The following RASAL2 variants were observed in gnomAD, a reference collection of about 807,000 sequenced individuals.
RASAL2 encodes the protein RAS protein activator like 2, also known as ras GTPase-activating protein nGAP.
In RASAL2, 58 loss-of-function variants were observed where a neutral mutation model predicts 128.9. The observed-to-expected ratio is 0.45, with a 90% CI of 0.36 to 0.56. The LOEUF (loss-of-function observed/expected upper bound fraction) is 0.56. Ranked by LOEUF, RASAL2 falls within the 20% of genes least tolerant of loss-of-function variation. The pLI, the probability that RASAL2 is intolerant of heterozygous loss-of-function variation, is 0.00. For missense variants in RASAL2, 1,360 were observed against 1,601.6 expected (o/e 0.85, Z 2.57); for synonymous variants, 561 against 580.8 (o/e 0.97, Z 0.49).
intron 9 of RASAL2, among the ~76,000 whole-genome samples, chr1:178,450,205 C>T (rs1432793641): frequency 6.6e-6 from 1 of 152,082 alleles, no homozygotes; most frequent in East Asian, 1.9e-4. Context: ...TTGTATGGTG[C>T]ACCTACTAAG....
intron 1 of RASAL2, among the ~76,000 whole-genome samples, chr1:178,253,311 CCTTAA>C (rs1240285713): frequency 6.6e-6 from 1 of 152,096 alleles, no homozygotes; most frequent in African/African-American, 2.4e-5. Flanking sequence ...TATGACTTTA[CCTTAA>C]CTTAATTACG....
At chr1:178,167,805 T>G (rs1018909166) in intron 1 of RASAL2, among the ~76,000 whole-genome samples, 1 of 152,038 alleles carries the variant, frequency 6.6e-6, no homozygotes, top group African/African-American at 2.4e-5. Context: ...CTCCAAAAAT[T>G]TTCAAATACA....
intron 3 of RASAL2, among the ~76,000 whole-genome samples, chr1:178,328,829 T>C (rs1168353564): frequency 3.3e-5 from 5 of 152,194 alleles, no homozygotes; most frequent in African/African-American, 1.2e-4. Context: ...TACTGCTTTA[T>C]ACAAATCACA....
chr1:178,406,725 T>A (rs1296686107), intron 4 of RASAL2, among the ~76,000 whole-genome samples: 1 of 152,130 alleles, frequency 6.6e-6, no homozygotes, highest in Non-Finnish European at 1.5e-5. Flanking sequence ...TAATAAAGTA[T>A]GCTAGATATC....
intron 9 of RASAL2, among the ~76,000 whole-genome samples, chr1:178,448,515 T>C (rs904461905): frequency 1.3e-5 from 2 of 152,142 alleles, no homozygotes; most frequent in African/African-American, 2.4e-5. Context: ...TTTTCTCTAA[T>C]CATATAGACA....
chr1:178,329,718 A>G (rs1325536958), intron 3 of RASAL2, among the ~76,000 whole-genome samples: 2 of 151,086 alleles, frequency 1.3e-5, no homozygotes, highest in Non-Finnish European at 2.9e-5. Flanking sequence ...AAGAAGGGGT[A>G]AATTAAGGAC....
At chr1:178,433,551 T>C (rs1676063960) in intron 5 of RASAL2, among the ~76,000 whole-genome samples, 1 of 151,398 alleles carries the variant, frequency 6.6e-6, no homozygotes. Context: ...TTCATACATA[T>C]ATTCATTTAT....
intron 3 of RASAL2, among the ~76,000 whole-genome samples, chr1:178,322,003 A>AT (rs1320932701): frequency 2.6e-4 from 39 of 149,028 alleles, no homozygotes; most frequent in African/African-American, 8.4e-4. Context: ...AAAAAAAAAA[A>AT]TTTTTTTTTG....
chr1:178,372,281 A>G, intron 3 of RASAL2: 2 of 985,426 alleles, frequency 2.0e-6, no homozygotes, highest in Non-Finnish European at 1.2e-6. Flanking sequence ...GAGTGGTTGG[A>G]TAGTAGCACC....
intron 1 of RASAL2, among the ~76,000 whole-genome samples, chr1:178,275,188 A>C (rs974636526): frequency 3.9e-5 from 6 of 152,110 alleles, no homozygotes; most frequent in Non-Finnish European, 8.8e-5. Context: ...TAAGGGACTT[A>C]CCTCTTTTAA....
At chr1:178,141,011 A>G (rs1371786513) in intron 1 of RASAL2, among the ~76,000 whole-genome samples, 1 of 152,154 alleles carries the variant, frequency 6.6e-6, no homozygotes, top group African/African-American at 2.4e-5. Flanking sequence ...AGTAGGAGCA[A>G]GAAGGAGTGG....
intron 1 of RASAL2, among the ~76,000 whole-genome samples, chr1:178,143,552 G>A (rs1660608919): frequency 6.6e-6 from 1 of 151,962 alleles, no homozygotes; most frequent in South Asian, 2.1e-4. Context: ...GCAAATTGCA[G>A]AATAATTGAT....
chr1:178,348,784 G>A lies in RASAL2; in HGVS notation c.458-41316G>A, dbSNP rs533635464. On this transcript the variant is annotated intron_variant, in intron 3 of 17. Coordinates refer to ENST00000367649, the MANE Select transcript of RASAL2 (RefSeq NM_170692.4). ...TATGGAGAATGTGAGCAGGACACCAGGTTTCTTTCTTTTCTTTTTGGTTTT... is the reference window on the plus strand; with the variant it reads ...TATGGAGAATGTGAGCAGGACACCAAGTTTCTTTCTTTTCTTTTTGGTTTT... Among the ~76,000 whole-genome samples, 11 of 151,466 alleles carry A rather than the reference G, an allele frequency of 7.3e-5. No individual in the cohort carries two copies. In the South Asian group the frequency reaches 2.3e-3, roughly 32 times the overall value.
At chr1:178,321,881 G>A (rs1055434129) in intron 3 of RASAL2, among the ~76,000 whole-genome samples, 5 of 151,800 alleles carry the variant, frequency 3.3e-5, no homozygotes, top group African/African-American at 7.3e-5. Flanking sequence ...CCAACTACTC[G>A]GGAGGCTGAG....
intron 3 of RASAL2, among the ~76,000 whole-genome samples, chr1:178,300,958 G>A (rs1445165805): frequency 6.6e-6 from 1 of 152,098 alleles, no homozygotes; most frequent in Non-Finnish European, 1.5e-5. Flanking sequence ...ATCATTTATT[G>A]TCTCTATGGT....
At chr1:178,396,788 T>A (rs1673259104) in intron 4 of RASAL2, among the ~76,000 whole-genome samples, 1 of 147,196 alleles carries the variant, frequency 6.8e-6, no homozygotes, top group Admixed American at 6.8e-5. Context: ...GATTATAATA[T>A]CAATACAAAA....
intron 1 of RASAL2, among the ~76,000 whole-genome samples, chr1:178,142,094 T>G (rs941936613): frequency 6.6e-6 from 1 of 152,120 alleles, no homozygotes. Flanking sequence ...TTCTAGTTAC[T>G]TTCCTCAAGG....
intron 1 of RASAL2, among the ~76,000 whole-genome samples, chr1:178,184,621 C>T (rs1441329845): frequency 2.6e-5 from 4 of 151,904 alleles, no homozygotes; most frequent in African/African-American, 9.7e-5. Context: ...TGTCAAAAAC[C>T]AGTTAACTAT....
chr1:178,268,240 C>T (rs994342281), intron 1 of RASAL2, among the ~76,000 whole-genome samples: 3 of 151,948 alleles, frequency 2.0e-5, no homozygotes, highest in Non-Finnish European at 4.4e-5. Flanking sequence ...GAGGCCGAGG[C>T]GGGTGGATCA....
Sources: allele counts gnomAD v4.1 joint callset (sites outside exome capture counted in the v4.1 genomes callset), GRCh38; gene constraint gnomAD v4.1.1; transcripts MANE v1.5; gene names NCBI Gene and HGNC (gene_info 2026-07-23, HGNC 2026-07-21).